The following CAMK2A variants were observed in gnomAD, a reference collection of about 807,000 sequenced individuals.
The protein encoded by CAMK2A is calcium/calmodulin-dependent protein kinase type II subunit alpha.
CAMK2A carries 7 observed loss-of-function variants against 79.2 expected under a neutral mutation model. That is an observed-to-expected ratio of 0.09 (90% CI 0.05 to 0.17). The LOEUF (loss-of-function observed/expected upper bound fraction) is 0.17. Ranked by LOEUF, CAMK2A falls within the 10% of genes least tolerant of loss-of-function variation. The probability of loss-of-function intolerance (pLI) is 1.00; values close to 1 mark genes in which losing one functional copy is unlikely to be tolerated. For synonymous variants in CAMK2A, 242 were observed against 251.7 expected (o/e 0.96, Z 0.36); for missense variants, 214 against 646.4 (o/e 0.33, Z 7.25).
intron 2 of CAMK2A, among the ~76,000 whole-genome samples, chr5:150,271,228 A>C (rs1291180138): frequency 6.6e-6 from 1 of 152,318 alleles, no homozygotes; most frequent in South Asian, 2.1e-4. Context: ...TCTAGTTCCC[A>C]GCCTTCCACA....
At chr5:150,244,416 C>T (rs975609521) in intron 13 of CAMK2A, among the ~76,000 whole-genome samples, 1 of 152,262 alleles carries the variant, frequency 6.6e-6, no homozygotes, top group African/African-American at 2.4e-5. Context: ...CCTCGCCAGG[C>T]AGGGCTCTGA....
chr5:150,233,052 C>A (rs1423937210), intron 15 of CAMK2A, among the ~76,000 whole-genome samples: 1 of 152,226 alleles, frequency 6.6e-6, no homozygotes, highest in Non-Finnish European at 1.5e-5. Flanking sequence ...TTTATCTATG[C>A]CCCAGCTCAT....
At chr5:150,283,045 G>C (rs1379611394) in intron 1 of CAMK2A, among the ~76,000 whole-genome samples, 2 of 152,210 alleles carry the variant, frequency 1.3e-5, no homozygotes, top group African/African-American at 4.8e-5. Flanking sequence ...GGAAGGGGGA[G>C]ACATAGTCCC....
chr5:150,234,174 G>A (rs899980793), intron 15 of CAMK2A, among the ~76,000 whole-genome samples: 3 of 152,120 alleles, frequency 2.0e-5, no homozygotes, highest in Admixed American at 6.5e-5. Flanking sequence ...GCAAACCCAC[G>A]TGCTCCTGAT....
intron 16 of CAMK2A, among the ~76,000 whole-genome samples, chr5:150,230,242 C>T (rs934005300): frequency 1.5e-5 from 2 of 135,804 alleles, no homozygotes; most frequent in Non-Finnish European, 3.0e-5. Flanking sequence ...CACTTGAACC[C>T]GGGAGACGGA....
chr5:150,265,155 C>G (rs1327600585), intron 2 of CAMK2A, 140 bp from the exon 3 acceptor site: 1 of 677,338 alleles, frequency 1.5e-6, no homozygotes, highest in Admixed American at 2.2e-5. Context: ...TGGCCAGGGC[C>G]TCTGAGTTCT....
rs1221905960 is a variant in CAMK2A, at chr5:150,223,595, G to A, written c.1238-378C>T. On this transcript the variant is annotated intron_variant, in intron 17 of 18. Coordinates refer to ENST00000671881, the MANE Select transcript of CAMK2A (RefSeq NM_015981.4). This position sits in a 1 kb window ranked among gnomAD's most constrained non-coding sequence, Gnocchi z 4.1. The stretch of plus-strand genomic sequence containing the variant: ...CCAGGCAGGCACATAAACAACGGGG[G>A]CTGAGCTGGGTATAAGATGCTAAAT... Among the ~76,000 whole-genome samples the A allele has an allele frequency of 6.6e-6, 1 of 152,176 alleles. No individual in the cohort carries two copies. Among genetic ancestry groups the A allele is most frequent in the Non-Finnish European group, 1.5e-5 (1 of 68,032 alleles).
intron 6 of CAMK2A, among the ~76,000 whole-genome samples, 190 bp from the exon 7 acceptor site, chr5:150,253,736 G>T (rs1040090597): frequency 1.3e-5 from 2 of 152,180 alleles, no homozygotes; most frequent in Admixed American, 1.3e-4. Context: ...CTATCCTATG[G>T]CAAGACCTCC....
At chr5:150,289,978 G>A (rs1008374474), upstream of CAMK2A, 77 of 264,514 alleles carry the variant, frequency 2.9e-4, no homozygotes, top group Admixed American at 1.5e-4. Context: ...CTGGGGGTGG[G>A]ATGGACCCAG....
chr5:150,226,744 A>AGGGGGGG (rs530069538), intron 17 of CAMK2A, among the ~76,000 whole-genome samples: 1 of 84,478 alleles, frequency 1.2e-5, no homozygotes, highest in Non-Finnish European at 2.2e-5. Context: ...AAAAAAAAAA[A>AGGGGGGG]GGGGGGGGGG....
At chr5:150,280,159 T>C (rs1363046255) in intron 1 of CAMK2A, among the ~76,000 whole-genome samples, 1 of 152,182 alleles carries the variant, frequency 6.6e-6, no homozygotes, top group African/African-American at 2.4e-5. Context: ...TGCCACTTTC[T>C]CTAAAGGAAG....
intron 11 of CAMK2A, among the ~76,000 whole-genome samples, 199 bp from the exon 12 acceptor site, chr5:150,248,013 G>A (rs763839261): frequency 2.8e-4 from 42 of 152,100 alleles, no homozygotes; most frequent in Non-Finnish European, 4.7e-4. Flanking sequence ...TGGAGAAGTC[G>A]GGGTGAGCTA....
intron 8 of CAMK2A, 54 bp from the exon 9 acceptor site, chr5:150,251,898 G>A (rs1755854495): frequency 1.9e-6 from 3 of 1,543,256 alleles, no homozygotes; most frequent in Non-Finnish European, 2.7e-6. Flanking sequence ...GACATGGGGG[G>A]AGGGGAGTGA....
chr5:150,222,304 A>C lies in CAMK2A; in HGVS notation c.*406T>G, dbSNP rs908636188. The C allele has an allele frequency of 3.4e-6, 2 of 594,394 alleles. No homozygotes were observed. 36.8% of individuals were successfully genotyped at this position (594,394 alleles called of 1,614,324 possible). A position where few individuals can be genotyped will look rare whatever the true frequency, so the allele number is the denominator to read the frequency against. ...CACTGGAAGAGGAGAGGTCTGGGAG[A>C]GGGACGGACGGATGCTGCCTTCCTC... On this transcript the variant is annotated 3_prime_UTR_variant, in exon 19 of 19. Coordinates refer to ENST00000671881, the MANE Select transcript of CAMK2A (RefSeq NM_015981.4).
chr5:150,288,768 C>T (rs1395888282), intron 1 of CAMK2A, among the ~76,000 whole-genome samples: 3 of 152,192 alleles, frequency 2.0e-5, no homozygotes, highest in Non-Finnish European at 4.4e-5. Flanking sequence ...ACACTCCACA[C>T]CCTACTGGGC....
chr5:150,258,775 G>A (rs1014178273), intron 3 of CAMK2A, among the ~76,000 whole-genome samples: 13 of 152,146 alleles, frequency 8.5e-5, no homozygotes, highest in African/African-American at 2.2e-4. Flanking sequence ...TATGGCTGTC[G>A]TATTTGCACA....
intron 7 of CAMK2A, among the ~76,000 whole-genome samples, chr5:150,253,204 G>A (rs763908422): frequency 6.6e-6 from 1 of 152,198 alleles, no homozygotes; most frequent in African/African-American, 2.4e-5. Context: ...GGAAAGGAGA[G>A]AGGGGGCCCC....
At chr5:150,246,476 T>G (rs946795058) in intron 12 of CAMK2A, among the ~76,000 whole-genome samples, 3 of 152,160 alleles carry the variant, frequency 2.0e-5, no homozygotes, top group Non-Finnish European at 4.4e-5. Context: ...ATCTGGGGTT[T>G]TCTATGAAAT....
chr5:150,249,950 G>A (rs1414213928), intron 11 of CAMK2A, among the ~76,000 whole-genome samples: 5 of 152,132 alleles, frequency 3.3e-5, no homozygotes. Flanking sequence ...TTGTCCTGCT[G>A]CATTCTGCCA....
Sources: allele counts gnomAD v4.1 joint callset (sites outside exome capture counted in the v4.1 genomes callset), GRCh38; gene constraint gnomAD v4.1.1; non-coding constraint Gnocchi (gnomAD v3.1); transcripts MANE v1.5; gene names NCBI Gene and HGNC (gene_info 2026-07-23, HGNC 2026-07-21).